DYTN: variants seen among roughly 807,000 people sequenced by gnomAD.
DYTN encodes dystrotelin.
Under a neutral mutation model 69.6 loss-of-function variants are expected in DYTN, and 75 were observed. That is an observed-to-expected ratio of 1.08 (90% CI 0.89 to 1.31). The LOEUF (loss-of-function observed/expected upper bound fraction) is 1.31, where lower values mean the gene tolerates loss of function less well. DYTN is among the 50% of genes most tolerant of loss of function. The pLI is 0.00. For missense variants in DYTN, 726 were observed against 688.4 expected (o/e 1.05, Z -0.61); for synonymous variants, 252 against 249.1 (o/e 1.01, Z -0.11).
At chr2:206,682,705 A>G (rs763134829) in intron 9 of DYTN, among the ~76,000 whole-genome samples, 7 of 152,102 alleles carry the variant, frequency 4.6e-5, no homozygotes, top group Non-Finnish European at 8.8e-5. Context: ...CCAGCTATGA[A>G]TAGTCAACTG....
intron 11 of DYTN, among the ~76,000 whole-genome samples, chr2:206,655,844 A>G (rs1406136546): frequency 2.0e-5 from 3 of 152,166 alleles, no homozygotes; most frequent in Non-Finnish European, 4.4e-5. Context: ...GTGGTTGGAA[A>G]AGATATTTGG....
intron 11 of DYTN, among the ~76,000 whole-genome samples, chr2:206,654,359 G>A (rs1699423057): frequency 6.6e-6 from 1 of 152,210 alleles, no homozygotes; most frequent in African/African-American, 2.4e-5. Flanking sequence ...AGATGATGAG[G>A]ATGAAGATCT....
rs538223867 is a variant in DYTN at position 206,665,922 on chromosome 2, G to T, written c.1088C>A (p.Thr363Asn). 23 of 1,613,936 alleles carry T rather than the reference G, an allele frequency of 1.4e-5. No homozygotes were observed. The South Asian group carries it at 2.3e-4, about 16-fold the overall frequency. Residue 363 changes from threonine (T) to asparagine (N), a missense_variant, in exon 10 of 12, where the codon ACC becomes AAC. Transcript: ENST00000452335. ...CTTGGTCCATAGACTATCCTGGTTGGTTTTGAGTTTGTGAATCCTTGTTTC... is the reference window on the plus strand; with the variant it reads ...CTTGGTCCATAGACTATCCTGGTTGTTTTTGAGTTTGTGAATCCTTGTTTC... ...RFETRIHKLK[T>N]NQDSLWTKLQ...
rs182665969 is a variant in DYTN, at chr2:206,709,222, C to T, written c.94+1302G>A. 1.1e-3 allele frequency among the ~76,000 whole-genome samples: 172 copies of T among 152,060 alleles called. 1 individual carries two copies. The highest frequency in any genetic ancestry group is 5.3e-4 in the Non-Finnish European group (36 of 67,950). ...CAGCACTTTGGGAGGCCACTGTGGGCAGATCAGTTGAGCTCAGGAGTTCAA... is the reference window on the plus strand; with the variant it reads ...CAGCACTTTGGGAGGCCACTGTGGGTAGATCAGTTGAGCTCAGGAGTTCAA... On this transcript the variant is annotated intron_variant, in intron 2 of 11. Coordinates refer to ENST00000452335, the MANE Select transcript of DYTN (RefSeq NM_001093730.1).
intron 9 of DYTN, among the ~76,000 whole-genome samples, chr2:206,690,946 T>C (rs1439993844): frequency 6.6e-6 from 1 of 152,100 alleles, no homozygotes; most frequent in African/African-American, 2.4e-5. Context: ...CAAGACTAAG[T>C]CACGTTACAA....
At position 206,665,927 on chromosome 2, in the gene DYTN, GA is replaced by G; in HGVS notation, c.1082del (p.Leu361ProfsTer15). The G allele has an allele frequency of 6.2e-7, 1 of 1,613,932 alleles. No individual in the cohort carries two copies. The highest frequency in any genetic ancestry group is 8.5e-7 in the Non-Finnish European group (1 of 1,179,860). ...TCCATAGACTATCCTGGTTGGTTTT[GA>G]GTTTGTGAATCCTTGTTTCAAATCG... The part of the protein sequence containing the change: ...ICRFETRIHK[L>X]KTNQDSLWTK... On this transcript the variant is annotated frameshift_variant, in exon 10 of 12. Transcript: ENST00000452335. LOFTEE classifies it high-confidence loss of function.
At chr2:206,667,434 T>C (rs1431565954) in intron 9 of DYTN, among the ~76,000 whole-genome samples, 3 of 152,112 alleles carry the variant, frequency 2.0e-5, no homozygotes, top group African/African-American at 7.2e-5. Flanking sequence ...AGTGAGGCAT[T>C]ATCTGACTGC....
chr2:206,713,525 G>A (rs764573500), intron 1 of DYTN, among the ~76,000 whole-genome samples: 3 of 152,176 alleles, frequency 2.0e-5, no homozygotes, highest in Non-Finnish European at 4.4e-5. Flanking sequence ...GAGATGATGC[G>A]CTGGGGGGAT....
intron 9 of DYTN, among the ~76,000 whole-genome samples, chr2:206,685,255 A>G (rs553061199): frequency 1.3e-5 from 2 of 152,136 alleles, no homozygotes; most frequent in African/African-American, 2.4e-5. Context: ...TCGACCTACC[A>G]GGCTCAAGCG....
intron 11 of DYTN, among the ~76,000 whole-genome samples, chr2:206,654,083 T>G (rs1699419731): frequency 6.6e-6 from 1 of 152,202 alleles, no homozygotes; most frequent in Admixed American, 6.5e-5. Flanking sequence ...ATGAATGAAT[T>G]AGCGATTGAA....
At chr2:206,717,043 AACACACAC>A (rs71852382) in intron 1 of DYTN, among the ~76,000 whole-genome samples, 32 of 143,808 alleles carry the variant, frequency 2.2e-4, no homozygotes, top group African/African-American at 4.9e-4. Context: ...TGCCGATGCA[AACACACAC>A]ACACACACAC....
At chr2:206,707,559 C>A in intron 2 of DYTN, 56 bp from the exon 3 acceptor site, 1 of 1,485,794 alleles carries the variant, frequency 6.7e-7, no homozygotes, top group African/African-American at 1.4e-5. Flanking sequence ...CAAAAGGCTT[C>A]AAATAAAGCA....
rs762297883 is a variant in DYTN, at chr2:206,693,191, G to A, written c.964C>T (p.His322Tyr). ...LDQVNPKGVP[H>Y]HAQARLLKKQ... ...GCCACTCACCTGGCCTGCGCATGGT[G>A]AGGCACACCCTTTGGATTCACCTGG... Residue 322 changes from histidine (H) to tyrosine (Y), a missense_variant, in exon 9 of 12, where the codon CAC (histidine) becomes TAC (tyrosine). Physicochemically the swap from His to Tyr is moderately conservative, Grantham distance 83. Transcript: ENST00000452335. The A allele has an allele frequency of 9.9e-6, 16 of 1,611,790 alleles. No homozygotes were observed. The highest frequency in any genetic ancestry group is 1.4e-5 in the Non-Finnish European group (16 of 1,179,458).
At chr2:206,657,026 T>G (rs1699458471) in intron 11 of DYTN, among the ~76,000 whole-genome samples, 1 of 152,202 alleles carries the variant, frequency 6.6e-6, no homozygotes. Context: ...CTTCCCAAAG[T>G]GCTGGGATTA....
At position 206,663,405 on chromosome 2, in the gene DYTN, CAA is replaced by C; in HGVS notation, c.1141-12_1141-11del. ...GTGGCTGCAACCTTGCCTGGGGAAA[CAA>C]AACTTTATTTATGAAGAAATTAATG... On this transcript the variant is annotated splice_polypyrimidine_tract_variant and intron_variant, in intron 10 of 11. Coordinates refer to ENST00000452335, the MANE Select transcript of DYTN (RefSeq NM_001093730.1). 6.4e-7 allele frequency: 1 copy of C among 1,557,542 alleles called. No homozygotes were observed. Among genetic ancestry groups the C allele is most frequent in the South Asian group, 1.2e-5 (1 of 82,212 alleles).
chr2:206,677,855 A>T (rs6728205), intron 9 of DYTN, among the ~76,000 whole-genome samples: 21,159 of 151,958 alleles, frequency 0.14, 2,461 homozygotes, highest in African/African-American at 0.32. Context: ...GCTGGGCGTG[A>T]TGCGGGCACC....
intron 9 of DYTN, among the ~76,000 whole-genome samples, chr2:206,677,945 G>C (rs1699708170): frequency 1.3e-5 from 2 of 151,846 alleles, no homozygotes; most frequent in African/African-American, 4.8e-5. Flanking sequence ...AGCCAAGATA[G>C]TGCCCCTGTG....
intron 4 of DYTN, among the ~76,000 whole-genome samples, 196 bp downstream of exon 4, chr2:206,705,592 A>T (rs2105900940): frequency 6.6e-6 from 1 of 152,354 alleles, no homozygotes; most frequent in African/African-American, 2.4e-5. Context: ...ATCAAGAACA[A>T]CCAAGAAACA....
intron 11 of DYTN, 147 bp downstream of exon 11, chr2:206,662,756 T>C: frequency 7.9e-7 from 1 of 1,266,208 alleles, no homozygotes. Context: ...AAAATCAAGT[T>C]CAGAGATGCT....
Sources: gnomAD v4.1 joint callset for allele counts (sites outside exome capture counted in the v4.1 genomes callset) on GRCh38, gnomAD v4.1.1 for gene constraint, MANE v1.5 for transcripts, NCBI Gene and HGNC (gene_info 2026-07-23, HGNC 2026-07-21) for gene names.